Variants in RHEBL1 observed in about 807,000 individuals in gnomAD.
The protein encoded by RHEBL1 is RHEB like 1, also known as GTPase RhebL1.
In RHEBL1, 22 loss-of-function variants were observed where a neutral mutation model predicts 27.4. That is an observed-to-expected ratio of 0.80 (90% CI 0.57 to 1.15). The LOEUF (loss-of-function observed/expected upper bound fraction) is 1.15. RHEBL1 is among the 50% of genes most tolerant of loss of function. The pLI is 0.00. For missense variants in RHEBL1, 186 were observed against 226.5 expected (o/e 0.82, Z 1.15); for synonymous variants, 85 against 80.8 (o/e 1.05, Z -0.28).
At chr12:49,065,861 G>A (rs1473414390) in intron 6 of RHEBL1, among the ~76,000 whole-genome samples, 2 of 151,288 alleles carry the variant, frequency 1.3e-5, no homozygotes, top group Admixed American at 6.6e-5. Flanking sequence ...GGAGGCAGAG[G>A]TTGCAGTGAG....
chr12:49,069,573 TCCAA>T (rs879577176), intron 1 of RHEBL1, among the ~76,000 whole-genome samples, 157 bp downstream of exon 1: 67,381 of 151,562 alleles, frequency 0.44, 15,092 homozygotes, highest in South Asian at 0.54. Flanking sequence ...CACCAACTCT[TCCAA>T]TCCTCCACTC....
rs1009878536 is a variant in RHEBL1 at position 49,069,651 on chromosome 12, C to T, written c.52+83G>A. The T allele has an allele frequency of 5.0e-6, 6 of 1,206,080 alleles. No individual in the cohort carries two copies. The Admixed American group carries it at 6.7e-5, about 14-fold the overall frequency. The allele number at this position is 1,206,080 out of a possible 1,614,324, so 74.7% of individuals were successfully genotyped here. The stretch of plus-strand genomic sequence containing the variant: ...CCATCCTTACGATGTCATCATTCCT[C>T]CCTGGGTCGCGTTCCCACGGCAGCG... On this transcript the variant is annotated intron_variant, in intron 1 of 7. Coordinates refer to ENST00000301068, the MANE Select transcript of RHEBL1 (RefSeq NM_144593.3).
At chr12:49,068,918 G>A (rs1592178252) in intron 2 of RHEBL1, 117 bp downstream of exon 2, 1 of 1,063,068 alleles carries the variant, frequency 9.4e-7, no homozygotes, top group South Asian at 1.6e-5. Context: ...GAAATCAGAT[G>A]TAATGTCTAA....
intron 3 of RHEBL1, 25 bp from the exon 4 acceptor site, chr12:49,066,726 T>C (rs1939003438): frequency 1.2e-6 from 2 of 1,600,098 alleles, no homozygotes; most frequent in African/African-American, 1.3e-5. Context: ...GAAACATCAG[T>C]ACCTAGATCC....
Position 49,065,381 on chromosome 12 carries a change from G to C in RHEBL1, c.431C>G (p.Thr144Arg), listed in dbSNP as rs764320722. ...CTCTCGAGCAGATGACTCCATAAAT[G>C]TCGCACCCCAGGACTCTGCCAGCTT... is the stretch of plus-strand genomic sequence containing the variant. Reference protein sequence around the residue: ...GKKLAESWGATFMESSARENQ... With the variant: ...GKKLAESWGARFMESSARENQ... The change falls in exon 7 of 8, where the codon ACA becomes AGA. Residue 144 changes from threonine to arginine, a missense_variant. This residue lies in a region of RHEBL1 where 90 missense variants were observed against 95.2 expected (regional missense o/e 0.95). Coordinates refer to ENST00000301068, the MANE Select transcript of RHEBL1 (RefSeq NM_144593.3). 1 of 1,614,080 alleles carries C rather than the reference G, an allele frequency of 6.2e-7. No homozygotes were observed. Among genetic ancestry groups the C allele is most frequent in the Non-Finnish European group, 8.5e-7 (1 of 1,180,008 alleles).
rs914926242 is a variant in RHEBL1 at position 49,064,914 on chromosome 12, T to C, written c.*189A>G. On this transcript the variant is annotated 3_prime_UTR_variant, in exon 8 of 8. Transcript: ENST00000301068. ...GTGTCCATGAGAGGTCCTTGCCCCTTTGTAAACATTGACATCCAGGCCACT... is the reference window on the plus strand; with the variant it reads ...GTGTCCATGAGAGGTCCTTGCCCCTCTGTAAACATTGACATCCAGGCCACT... 4.5e-5 allele frequency: 27 copies of C among 596,554 alleles called. No individual in the cohort carries two copies. Among genetic ancestry groups the C allele is most frequent in the Non-Finnish European group, 5.4e-5 (18 of 333,110 alleles). The allele number at this position is 596,554 out of a possible 1,614,324, so 37.0% of individuals were successfully genotyped here.
At position 49,069,729 on chromosome 12, in the gene RHEBL1, C is replaced by G. The variant is rs766651837; in HGVS notation, c.52+5G>C. ...GCGTCCGAGCTCTGCAGGGCGGAGA[C>G]TCACCTACACAGCGGTATCCGAGGA... On this transcript the variant is annotated splice_donor_5th_base_variant and intron_variant, in intron 1 of 7. Transcript: ENST00000301068. The G allele has an allele frequency of 6.2e-7, 1 of 1,613,808 alleles. No homozygotes were observed. Among genetic ancestry groups the G allele is most frequent in the South Asian group, 1.1e-5 (1 of 91,078 alleles).
In RHEBL1 at chr12:49,065,213, G is replaced by A. The variant is rs751956103; in HGVS notation, c.463-21C>T. On this transcript the variant is annotated intron_variant, in intron 7 of 7. Transcript: ENST00000301068. ...GTCAGCTATAAGAGGAGAGGATTCA[G>A]GGCAAAAGTCAGTTCAGTGCCAATA... 10 of 1,602,436 alleles carry A rather than the reference G, an allele frequency of 6.2e-6. No individual in the cohort carries two copies. In the African/African-American group the frequency reaches 1.3e-4, roughly 21 times the overall value.
intron 2 of RHEBL1, among the ~76,000 whole-genome samples, chr12:49,067,455 C>CT (rs76065035): frequency 0.048 from 6,711 of 138,692 alleles, 182 homozygotes; most frequent in Non-Finnish European, 0.069. Flanking sequence ...GTCTCCTTAC[C>CT]TTTTTTTTTT....
At chr12:49,066,743 C>T (rs775122992) in intron 3 of RHEBL1, 42 bp from the exon 4 acceptor site, 1 of 1,570,196 alleles carries the variant, frequency 6.4e-7, no homozygotes, top group South Asian at 1.1e-5. Flanking sequence ...ATCCAAACCA[C>T]TAAGATGGCA....
intron 2 of RHEBL1, among the ~76,000 whole-genome samples, chr12:49,068,026 C>T (rs1017055249): frequency 2.6e-5 from 4 of 152,070 alleles, no homozygotes; most frequent in Admixed American, 2.6e-4. Flanking sequence ...TACTGATCTA[C>T]TAAGTCTTAT....
chr12:49,066,608 T>C lies in RHEBL1; in HGVS notation c.275+11A>G, dbSNP rs756393642. 6.2e-7 allele frequency: 1 copy of C among 1,613,744 alleles called. No individual in the cohort carries two copies. The highest frequency in any genetic ancestry group is 8.5e-7 in the Non-Finnish European group (1 of 1,179,626). ...CTCCCAAGTCCCGCACTCACAACCT[T>C]GGTCACTTACCTATGCAGAGAGGTG... On this transcript the variant is annotated intron_variant, in intron 4 of 7. Coordinates refer to ENST00000301068, the MANE Select transcript of RHEBL1 (RefSeq NM_144593.3).
At chr12:49,067,425 G>A (rs910434967) in intron 2 of RHEBL1, among the ~76,000 whole-genome samples, 2 of 151,370 alleles carry the variant, frequency 1.3e-5, no homozygotes, top group Admixed American at 6.6e-5. Flanking sequence ...AACTACAGGT[G>A]TGCACCTCTG....
At chr12:49,066,926 G>A in intron 3 of RHEBL1, 42 bp downstream of exon 3, 1 of 1,504,840 alleles carries the variant, frequency 6.6e-7, no homozygotes, top group Middle Eastern at 1.7e-4. Flanking sequence ...TCATCTCCGA[G>A]GGCTGAACTG....
At chr12:49,068,974 TG>T in intron 2 of RHEBL1, 60 bp downstream of exon 2, 1 of 1,516,426 alleles carries the variant, frequency 6.6e-7, no homozygotes, top group African/African-American at 1.4e-5. Context: ...TGGAGTTGGG[TG>T]GGGTATCCAA....
At chr12:49,068,121 T>A (rs1017425228) in intron 2 of RHEBL1, among the ~76,000 whole-genome samples, 1 of 127,704 alleles carries the variant, frequency 7.8e-6, no homozygotes, top group Admixed American at 7.6e-5. Context: ...TTCTTTTTAT[T>A]CTTTTTTTTT....
intron 2 of RHEBL1, among the ~76,000 whole-genome samples, chr12:49,067,932 TTTTC>T (rs1326489923): frequency 6.6e-6 from 1 of 152,188 alleles, no homozygotes; most frequent in African/African-American, 2.4e-5. Flanking sequence ...AATATTTGGC[TTTTC>T]TTTATGCTAG....
At chr12:49,065,796 G>A (rs755487792) in intron 6 of RHEBL1, among the ~76,000 whole-genome samples, 1 of 151,978 alleles carries the variant, frequency 6.6e-6, no homozygotes, top group African/African-American at 2.4e-5. Flanking sequence ...GTGGTGGCAC[G>A]CGCCTGTAGT....
At position 49,065,064 on chromosome 12, in the gene RHEBL1, CG is replaced by C; in HGVS notation, c.*38del. ...CCCCCCACTGGAACATGGCAAGTGC[CG>C]GGGGCAGAAGCAAGGCAGTTACCCC... On this transcript the variant is annotated 3_prime_UTR_variant, in exon 8 of 8. Coordinates refer to ENST00000301068, the MANE Select transcript of RHEBL1 (RefSeq NM_144593.3). The C allele has an allele frequency of 1.4e-6, 2 of 1,456,782 alleles. No individual in the cohort carries two copies. Among genetic ancestry groups the C allele is most frequent in the Non-Finnish European group, 9.6e-7 (1 of 1,036,982 alleles). 90.2% of individuals were successfully genotyped at this position (1,456,782 alleles called of 1,614,324 possible). A position where few individuals can be genotyped will look rare whatever the true frequency, so the allele number is the denominator to read the frequency against.
Sources: allele counts gnomAD v4.1 joint callset (sites outside exome capture counted in the v4.1 genomes callset), GRCh38; gene constraint gnomAD v4.1.1; regional missense constraint gnomAD v4.1.1; transcripts MANE v1.5; gene names NCBI Gene and HGNC (gene_info 2026-07-23, HGNC 2026-07-21).